The following CWC25 variants were observed in gnomAD, a reference collection of about 807,000 sequenced individuals.
CWC25 encodes the protein CWC25 spliceosome associated protein.
CWC25 carries 31 observed loss-of-function variants against 54.6 expected under a neutral mutation model. That is an observed-to-expected ratio of 0.57 (90% confidence interval 0.43 to 0.77). The LOEUF (loss-of-function observed/expected upper bound fraction) is 0.77, where lower values mean the gene tolerates loss of function less well. Ranked by LOEUF, CWC25 falls within the 30% of genes least tolerant of loss-of-function variation. CWC25 has a pLI of 0.00. For synonymous variants in CWC25, 151 were observed against 187.0 expected (o/e 0.81, Z 1.57); for missense variants, 453 against 529.3 (o/e 0.86, Z 1.41).
Position 38,810,553 on chromosome 17 carries a change from CCTT to C in CWC25, c.538_540del (p.Lys180del). The C allele has an allele frequency of 1.9e-6, 3 of 1,576,874 alleles. No homozygotes were observed. The highest frequency in any genetic ancestry group is 1.8e-5 in the Admixed American group (1 of 55,256). ...TGTTTCTTGTGCTTCTTTTTCTTCT[CCTT>C]CTTTTTCTTCTTCTCCTTTTTTTCC... is the stretch of plus-strand genomic sequence containing the variant. On this transcript the variant is annotated inframe_deletion, in exon 5 of 10. Coordinates refer to ENST00000614790, the MANE Select transcript of CWC25 (RefSeq NM_017748.5).
At chr17:38,802,633 C>T (rs1911073178) in intron 9 of CWC25, 67 bp downstream of exon 9, 1 of 1,568,748 alleles carries the variant, frequency 6.4e-7, no homozygotes, top group African/African-American at 1.4e-5. Flanking sequence ...GGAACGGGAA[C>T]CAGCTGCCAG....
At chr17:38,821,986 T>C (rs1352049734) in intron 1 of CWC25, among the ~76,000 whole-genome samples, 4 of 151,918 alleles carry the variant, frequency 2.6e-5, no homozygotes, top group African/African-American at 9.7e-5. Flanking sequence ...GCCAGGCTGG[T>C]CTCAAACGCC....
rs1290526640 is a variant in CWC25, at chr17:38,801,637, A to T, written c.*455T>A. The stretch of plus-strand genomic sequence containing the variant: ...ACTCCCTTGGCTTTGACCTAACCTG[A>T]CATCATTCTGTCACATTATCTTCTA... On this transcript the variant is annotated 3_prime_UTR_variant, in exon 10 of 10. Transcript: ENST00000614790. The T allele has an allele frequency of 6.5e-6, 1 of 153,402 alleles. No homozygotes were observed. Among genetic ancestry groups the T allele is most frequent in the Non-Finnish European group, 1.5e-5 (1 of 68,904 alleles). The allele number at this position is 153,402 out of a possible 1,614,324, so 9.5% of individuals were successfully genotyped here. A position where few individuals can be genotyped will look rare whatever the true frequency, so the allele number is the denominator to read the frequency against.
At chr17:38,825,112 G>A (rs1256117123) in intron 1 of CWC25, 54 bp downstream of exon 1, 2 of 1,384,616 alleles carry the variant, frequency 1.4e-6, no homozygotes, top group East Asian at 2.8e-5. Flanking sequence ...CCCACCCCCT[G>A]CCAATTTCCG....
intron 6 of CWC25, among the ~76,000 whole-genome samples, chr17:38,808,394 G>A (rs1387265688): frequency 7.4e-6 from 1 of 135,048 alleles, no homozygotes; most frequent in Non-Finnish European, 1.6e-5. Context: ...AAAAAAAAAA[G>A]AAAGAAAAGA....
intron 6 of CWC25, 31 bp downstream of exon 6, chr17:38,809,671 G>A: frequency 6.2e-7 from 1 of 1,607,390 alleles, no homozygotes; most frequent in East Asian, 2.2e-5. Flanking sequence ...CAGTCCCACA[G>A]TCACTCCTTT....
chr17:38,802,672 G>T (rs1424299354), intron 9 of CWC25, 28 bp downstream of exon 9: 1 of 1,612,116 alleles, frequency 6.2e-7, no homozygotes, highest in East Asian at 2.2e-5. Context: ...CCCCATGAAA[G>T]ACCCTGGCAG....
chr17:38,825,085 C>G (rs1912089370), intron 1 of CWC25, 81 bp downstream of exon 1: 1 of 1,285,992 alleles, frequency 7.8e-7, no homozygotes, highest in Non-Finnish European at 1.1e-6. Context: ...CCATGGTTAT[C>G]CACTCCTTCC....
intron 2 of CWC25, among the ~76,000 whole-genome samples, chr17:38,819,682 T>G (rs1911846923): frequency 1.3e-5 from 2 of 149,648 alleles, no homozygotes; most frequent in African/African-American, 2.5e-5. Flanking sequence ...CTATTTTTTT[T>G]TTGTTTGTTC....
Position 38,806,366 on chromosome 17 carries a change from GTC to G in CWC25, c.930_931del (p.Glu310AspfsTer5). On this transcript the variant is annotated frameshift_variant, in exon 8 of 10. Coordinates refer to ENST00000614790, the MANE Select transcript of CWC25 (RefSeq NM_017748.5). LOFTEE classifies it high-confidence loss of function. ...AGGTGATGGGCTCCTAGTTTGGCCT[GTC>G]TCTCTCCTGTTCACCTTAGAGTTGT... The G allele has an allele frequency of 6.2e-7, 1 of 1,613,666 alleles. No individual in the cohort carries two copies. Among genetic ancestry groups the G allele is most frequent in the Non-Finnish European group, 8.5e-7 (1 of 1,179,808 alleles).
intron 7 of CWC25, 22 bp from the exon 8 acceptor site, chr17:38,806,417 A>G (rs228249): frequency 0.25 from 404,509 of 1,602,678 alleles, 57,082 homozygotes; most frequent in African/African-American, 0.61. Flanking sequence ...ACAGAAGGCA[A>G]AGAGGAAAAA....
At chr17:38,810,896 G>C (rs1308890582) in intron 4 of CWC25, among the ~76,000 whole-genome samples, 1 of 144,648 alleles carries the variant, frequency 6.9e-6, no homozygotes, top group Non-Finnish European at 1.5e-5. Context: ...ACTTCAGCCT[G>C]GGTGACAGAG....
At chr17:38,808,801 C>T (rs1260361927) in intron 6 of CWC25, among the ~76,000 whole-genome samples, 1 of 151,418 alleles carries the variant, frequency 6.6e-6, no homozygotes, top group Non-Finnish European at 1.5e-5. Context: ...ACAAAATTAG[C>T]CGGGCATGGT....
In CWC25 at chr17:38,806,317, T is replaced by C; in HGVS notation, c.981A>G (p.Arg327=). The C allele has an allele frequency of 6.2e-7, 1 of 1,612,670 alleles. No individual in the cohort carries two copies. The highest frequency in any genetic ancestry group is 1.1e-5 in the South Asian group (1 of 90,628). Residue 327 remains arginine (R), a synonymous_variant, in exon 8 of 10, where the codon CGA becomes CGG. Coordinates refer to ENST00000614790, the MANE Select transcript of CWC25 (RefSeq NM_017748.5). ...PSPKKEVYQR[R]HAPGYTRKLS... is the part of the protein sequence containing the mutation. ...CTCACCTGGTGTATCCGGGAGCATG[T>C]CGCCTTTGGTAGACCTCTTTTTTAG...
intron 8 of CWC25, among the ~76,000 whole-genome samples, chr17:38,804,799 C>CAAAAAA (rs4042818): frequency 6.2e-5 from 4 of 64,756 alleles, no homozygotes; most frequent in Admixed American, 3.9e-4. Flanking sequence ...CAGAGCGAGA[C>CAAAAAA]AAAAAAAAAA....
intron 2 of CWC25, among the ~76,000 whole-genome samples, chr17:38,819,199 T>C (rs890820604): frequency 4.0e-5 from 6 of 149,136 alleles, no homozygotes; most frequent in African/African-American, 1.5e-4. Context: ...ACTTTTCCTT[T>C]CTTTCTTTTT....
At chr17:38,815,591 C>G (rs1567674092) in intron 2 of CWC25, 2 of 901,428 alleles carry the variant, frequency 2.2e-6, no homozygotes, top group Non-Finnish European at 3.2e-6. Flanking sequence ...CCTCATGAGG[C>G]TTACGAGTGA....
At chr17:38,821,826 G>A (rs1304570723) in intron 1 of CWC25, among the ~76,000 whole-genome samples, 1 of 151,386 alleles carries the variant, frequency 6.6e-6, no homozygotes, top group Non-Finnish European at 1.5e-5. Context: ...CCAGGCTGGA[G>A]TGCAGCTATC....
At chr17:38,804,365 C>T (rs1911142558) in intron 8 of CWC25, among the ~76,000 whole-genome samples, 1 of 152,000 alleles carries the variant, frequency 6.6e-6, no homozygotes, top group Non-Finnish European at 1.5e-5. Context: ...TTTACTATAA[C>T]AGTAAGAAAA....
Sources: gnomAD v4.1 joint callset for allele counts (sites outside exome capture counted in the v4.1 genomes callset) on GRCh38, gnomAD v4.1.1 for gene constraint, MANE v1.5 for transcripts, NCBI Gene and HGNC (gene_info 2026-07-23, HGNC 2026-07-21) for gene names.